Variants in FRY observed in about 807,000 individuals in gnomAD.
FRY encodes the protein protein furry homolog.
Under a neutral mutation model 348.4 loss-of-function variants are expected in FRY, and 128 were observed. That is an observed-to-expected ratio of 0.37 (90% CI 0.32 to 0.43). FRY has a LOEUF of 0.43. FRY is among the 20% of genes least tolerant of loss of function. The pLI, the probability that FRY is intolerant of heterozygous loss-of-function variation, is 1.00. For missense variants in FRY, 2,736 were observed against 3,695.2 expected (o/e 0.74, Z 6.73); for synonymous variants, 1,370 against 1,374.7 (o/e 1.00, Z 0.08).
intron 35 of FRY, among the ~76,000 whole-genome samples, chr13:32,215,151 G>C (rs1884915696): frequency 6.6e-6 from 1 of 151,982 alleles, no homozygotes; most frequent in African/African-American, 2.4e-5. Context: ...TAACCTTGAG[G>C]CCCCAGTAGC....
At chr13:32,180,364 A>G (rs1390650922) in intron 23 of FRY, among the ~76,000 whole-genome samples, 1 of 151,986 alleles carries the variant, frequency 6.6e-6, no homozygotes, top group East Asian at 1.9e-4. Flanking sequence ...CCTCCTGAGT[A>G]GCTGGGGCTA....
intron 55 of FRY, among the ~76,000 whole-genome samples, chr13:32,274,170 C>G (rs1888362759): frequency 6.6e-6 from 1 of 152,070 alleles, no homozygotes; most frequent in African/African-American, 2.4e-5. Flanking sequence ...GCTCCCCTCC[C>G]CCATTACCCT....
At chr13:32,041,509 G>C (rs764463246) in intron 1 of FRY, among the ~76,000 whole-genome samples, 2 of 151,946 alleles carry the variant, frequency 1.3e-5, no homozygotes, top group Non-Finnish European at 2.9e-5. Flanking sequence ...GGCCAGGCTG[G>C]TCTTAAACTT....
At chr13:32,198,534 A>C (rs9567413) in intron 29 of FRY, among the ~76,000 whole-genome samples, 12 of 152,176 alleles carry the variant, frequency 7.9e-5, no homozygotes, top group African/African-American at 2.4e-4. Flanking sequence ...AATTCTTTGA[A>C]GTCAGACTTA....
At chr13:32,145,376 G>A (rs1294589909) in intron 11 of FRY, among the ~76,000 whole-genome samples, 1 of 152,120 alleles carries the variant, frequency 6.6e-6, no homozygotes, top group African/African-American at 2.4e-5. Flanking sequence ...CAAAGGAAAT[G>A]AGAATGGATA....
At chr13:32,261,503 C>A in intron 51 of FRY, 113 bp from the exon 52 acceptor site, 1 of 928,688 alleles carries the variant, frequency 1.1e-6, no homozygotes, top group Non-Finnish European at 1.8e-6. Context: ...TCGATGAGGG[C>A]CTAAGAGTTA....
chr13:32,040,101 A>G (rs1023999681), intron 1 of FRY, among the ~76,000 whole-genome samples: 2 of 152,224 alleles, frequency 1.3e-5, no homozygotes, highest in African/African-American at 2.4e-5. Context: ...TTTAGCCTTA[A>G]ATAGGTAAAT....
chr13:32,201,989 G>T lies in FRY; in HGVS notation c.3795G>T (p.Lys1265Asn). 1 of 1,608,054 alleles carries T rather than the reference G, an allele frequency of 6.2e-7. No homozygotes were observed. ...IVTLLNLVLF[K>N]ASDTNREIYE... is the part of the protein sequence containing the mutation. ...CATTGTTAAACCTTGTTCTATTCAA[G>T]GCCTCTGACACCAACAGAGAGATTT... Residue 1265 changes from lysine to asparagine, a missense_variant, in exon 30 of 61, where the codon AAG becomes AAT. By Grantham distance (94) the Lys-to-Asn change is moderately conservative. Around this residue, in one of 9 missense-constraint regions of FRY, gnomAD observed 794 missense variants for 977.0 expected, o/e 0.81. Coordinates refer to ENST00000542859, the MANE Select transcript of FRY (RefSeq NM_023037.3).
intron 3 of FRY, among the ~76,000 whole-genome samples, chr13:32,106,617 A>C (rs1052393126): frequency 6.6e-6 from 1 of 152,246 alleles, no homozygotes. Flanking sequence ...TAGAAAAACA[A>C]AAAACAAAAC....
At chr13:32,069,208 C>G (rs1446048229) in intron 1 of FRY, among the ~76,000 whole-genome samples, 2 of 152,160 alleles carry the variant, frequency 1.3e-5, no homozygotes, top group African/African-American at 4.8e-5. Flanking sequence ...AGCCACCACG[C>G]CTGGCCCATA....
intron 51 of FRY, chr13:32,258,084 T>A (rs1279825789): frequency 1.2e-6 from 1 of 818,326 alleles, no homozygotes; most frequent in African/African-American, 1.7e-5. Flanking sequence ...TATGCTTATT[T>A]GCGTGCATAT....
At chr13:32,115,051 T>G (rs1436302181) in intron 3 of FRY, among the ~76,000 whole-genome samples, 1 of 152,186 alleles carries the variant, frequency 6.6e-6, no homozygotes, top group East Asian at 1.9e-4. Context: ...TTATATTAAC[T>G]CATAACTAAA....
intron 15 of FRY, among the ~76,000 whole-genome samples, chr13:32,156,708 A>G (rs1182880918): frequency 6.6e-6 from 1 of 152,094 alleles, no homozygotes; most frequent in Non-Finnish European, 1.5e-5. Flanking sequence ...TTTCATTTGT[A>G]TAATTCGTAT....
intron 3 of FRY, among the ~76,000 whole-genome samples, chr13:32,111,282 GT>G (rs1877939338): frequency 6.6e-6 from 1 of 151,968 alleles, no homozygotes; most frequent in Non-Finnish European, 1.5e-5. Flanking sequence ...GAGGTCAGAA[GT>G]TTGAGACCAG....
intron 39 of FRY, 102 bp from the exon 40 acceptor site, chr13:32,228,354 T>C: frequency 1.1e-6 from 1 of 888,944 alleles, no homozygotes; most frequent in Non-Finnish European, 1.9e-6. Flanking sequence ...CCCCAGAATT[T>C]AAATAACTCC....
chr13:32,048,861 G>C (rs1873169144), intron 1 of FRY, among the ~76,000 whole-genome samples: 1 of 152,176 alleles, frequency 6.6e-6, no homozygotes, highest in African/African-American at 2.4e-5. Context: ...GGACATGCCT[G>C]AATAAGCTTC....
At chr13:32,046,720 A>G (rs961249435) in intron 1 of FRY, among the ~76,000 whole-genome samples, 1 of 152,254 alleles carries the variant, frequency 6.6e-6, no homozygotes, top group Admixed American at 6.5e-5. Context: ...AAAGCAACAC[A>G]GAATTGTTGC....
chr13:32,244,834 G>A (rs1886696026), intron 47 of FRY, among the ~76,000 whole-genome samples: 1 of 152,102 alleles, frequency 6.6e-6, no homozygotes, highest in Admixed American at 6.5e-5. Flanking sequence ...CAAGAGACTG[G>A]CTCCAAGATT....
chr13:32,234,699 G>A lies in FRY; in HGVS notation c.5653G>A (p.Ala1885Thr), dbSNP rs1886131014. Residue 1885 changes from alanine (A) to threonine (T), a missense_variant, in exon 42 of 61, where the codon GCC becomes ACC. Transcript: ENST00000542859. ...RALKQPLSAH[A>T]LSDLLSRLVE... ...CCTCAAGCAACCTCTGTCAGCACAT[G>A]CCTTATCTGACCTTCTCTCAAGATT... is the stretch of plus-strand genomic sequence containing the variant. 1 of 1,614,016 alleles carries A rather than the reference G, an allele frequency of 6.2e-7. No individual in the cohort carries two copies. The highest frequency in any genetic ancestry group is 1.3e-5 in the African/African-American group (1 of 74,902).
Sources: gnomAD v4.1 joint callset for allele counts (sites outside exome capture counted in the v4.1 genomes callset) on GRCh38, gnomAD v4.1.1 for gene constraint, gnomAD v4.1.1 regional missense constraint, MANE v1.5 for transcripts, NCBI Gene and HGNC (gene_info 2026-07-23, HGNC 2026-07-21) for gene names.